STARD7: variants seen among roughly 807,000 people sequenced by gnomAD.
The protein encoded by STARD7 is StAR related lipid transfer domain containing 7.
In STARD7, 30 loss-of-function variants were observed where a neutral mutation model predicts 45.3. That is an observed-to-expected ratio of 0.66 (90% CI 0.50 to 0.90). The LOEUF (loss-of-function observed/expected upper bound fraction) is 0.90, where lower values mean the gene tolerates loss of function less well. Ranked by LOEUF, STARD7 falls within the 40% of genes least tolerant of loss-of-function variation. STARD7 has a pLI of 0.00. For synonymous variants in STARD7, 199 were observed against 183.0 expected, an observed-to-expected ratio of 1.09 and a Z score of -0.70; for missense variants, 495 against 491.3, an observed-to-expected ratio of 1.01 and a Z score of -0.07.
intron 1 of STARD7, among the ~76,000 whole-genome samples, chr2:96,199,268 T>C (rs1456537987): frequency 2.6e-5 from 4 of 152,242 alleles, no homozygotes; most frequent in African/African-American, 7.2e-5. Flanking sequence ...TTAAGTGGTA[T>C]TGCCATCTTA....
intron 1 of STARD7, among the ~76,000 whole-genome samples, chr2:96,197,272 G>A (rs935714822): frequency 6.6e-6 from 1 of 151,616 alleles, no homozygotes; most frequent in African/African-American, 2.4e-5. Context: ...GGGCATGGTG[G>A]TGGACGCCTG....
intron 1 of STARD7, among the ~76,000 whole-genome samples, chr2:96,196,750 C>A (rs1017788692): frequency 1.3e-5 from 2 of 151,950 alleles, no homozygotes; most frequent in African/African-American, 2.4e-5. Flanking sequence ...CGTAAACCAC[C>A]GTGCCCAGCT....
rs1683041373 is a variant in STARD7 at position 96,186,646 on chromosome 2, G to A, written c.*84C>T. On this transcript the variant is annotated 3_prime_UTR_variant, in exon 8 of 8. Transcript: ENST00000337288. Reference sequence around the variant, plus strand: ...TTACAGCAGATGCCTTCTAATACATGTGGCATGTCCCCCTTCTACAGCAGA... The same window carrying A: ...TTACAGCAGATGCCTTCTAATACATATGGCATGTCCCCCTTCTACAGCAGA... The A allele has an allele frequency of 9.6e-7, 1 of 1,040,068 alleles. No homozygotes were observed. Among genetic ancestry groups the A allele is most frequent in the Admixed American group, 2.8e-5 (1 of 35,872 alleles). 64.4% of individuals were successfully genotyped at this position (1,040,068 alleles called of 1,614,324 possible). A position where few individuals can be genotyped will look rare whatever the true frequency, so the allele number is the denominator to read the frequency against.
Position 96,195,384 on chromosome 2 carries a change from C to T in STARD7, c.456G>A (p.Leu152=), listed in dbSNP as rs778478840. ...EMVMDKKHFK[L]WRRPITGTHL... is the part of the protein sequence containing the mutation. ...GGGTGCCTGTAATTGGGCGCCGCCA[C>T]AGCTTAAAGTGTTTCTTATCCATCA... is the stretch of plus-strand genomic sequence containing the variant. The change falls in exon 2 of 8, where the codon CTG becomes CTA. Residue 152 remains leucine (L), a synonymous_variant. Coordinates refer to ENST00000337288, the MANE Select transcript of STARD7 (RefSeq NM_020151.4). 1 of 1,600,128 alleles carries T rather than the reference C, an allele frequency of 6.2e-7. No individual in the cohort carries two copies. Among genetic ancestry groups the T allele is most frequent in the Non-Finnish European group, 8.5e-7 (1 of 1,173,142 alleles).
intron 5 of STARD7, 75 bp downstream of exon 5, chr2:96,193,003 A>G: frequency 9.3e-7 from 1 of 1,080,772 alleles, no homozygotes; most frequent in Non-Finnish European, 1.4e-6. Context: ...CACTAAGAAT[A>G]TACAAACTCA....
chr2:96,192,524 A>C (rs1683141077), intron 5 of STARD7, 56 bp from the exon 6 acceptor site: 2 of 1,355,166 alleles, frequency 1.5e-6, no homozygotes, highest in Non-Finnish European at 2.1e-6. Flanking sequence ...ATAAAACAAC[A>C]GGAGAGCTAA....
intron 3 of STARD7, 26 bp from the exon 4 acceptor site, chr2:96,193,378 T>G (rs1360506072): frequency 6.6e-7 from 1 of 1,505,068 alleles, no homozygotes; most frequent in African/African-American, 1.4e-5. Context: ...AGACCATGAA[T>G]ACCCAAGAAG....
chr2:96,187,088 T>C, intron 7 of STARD7, 129 bp downstream of exon 7: 1 of 911,102 alleles, frequency 1.1e-6, no homozygotes, highest in Non-Finnish European at 1.7e-6. Flanking sequence ...GCATGGGTTG[T>C]GAAAACTCTG....
chr2:96,192,640 G>T (rs1683142042), intron 5 of STARD7, among the ~76,000 whole-genome samples, 172 bp from the exon 6 acceptor site: 1 of 152,146 alleles, frequency 6.6e-6, no homozygotes, highest in African/African-American at 2.4e-5. Flanking sequence ...ATGAAGCGAA[G>T]GCCAGACGTG....
chr2:96,202,749 C>T (rs1683326223), intron 1 of STARD7, among the ~76,000 whole-genome samples: 1 of 152,154 alleles, frequency 6.6e-6, no homozygotes, highest in Non-Finnish European at 1.5e-5. Context: ...ACACCTGGCC[C>T]GAATTATCAT....
chr2:96,197,392 G>A (rs1282249589), intron 1 of STARD7, among the ~76,000 whole-genome samples: 1 of 152,106 alleles, frequency 6.6e-6, no homozygotes, highest in African/African-American at 2.4e-5. Flanking sequence ...GCAACAGAGT[G>A]AGACTCCATC....
intron 1 of STARD7, among the ~76,000 whole-genome samples, chr2:96,199,253 T>C (rs1167031935): frequency 2.6e-5 from 4 of 152,232 alleles, no homozygotes; most frequent in African/African-American, 9.6e-5. Context: ...AATTTGTAGA[T>C]CACTTTAAGT....
chr2:96,202,367 T>A (rs564611757), intron 1 of STARD7, among the ~76,000 whole-genome samples: 4 of 152,280 alleles, frequency 2.6e-5, no homozygotes, highest in Non-Finnish European at 4.4e-5. Flanking sequence ...CAATACTGAG[T>A]GACCTAATAC....
At chr2:96,190,817 T>C (rs891442871) in intron 6 of STARD7, among the ~76,000 whole-genome samples, 2 of 152,062 alleles carry the variant, frequency 1.3e-5, no homozygotes, top group African/African-American at 4.8e-5. Flanking sequence ...TAATTTTTAT[T>C]TTTTGTAGAG....
rs1433026447 is a variant in STARD7 at position 96,186,590 on chromosome 2, C to T, written c.*140G>A. 4 of 547,216 alleles carry T rather than the reference C, an allele frequency of 7.3e-6. No individual in the cohort carries two copies. Among genetic ancestry groups the T allele is most frequent in the East Asian group, 3.2e-5 (1 of 31,116 alleles). The allele number at this position is 547,216 out of a possible 1,614,324, so 33.9% of individuals were successfully genotyped here. On this transcript the variant is annotated 3_prime_UTR_variant, in exon 8 of 8. Transcript: ENST00000337288. ...AATAAGGGCTCTGAATGAAATGGGA[C>T]ATCAGTTATTGAATTATCTTGCACT... is the stretch of plus-strand genomic sequence containing the variant.
chr2:96,204,133 C>T (rs557914087), intron 1 of STARD7, among the ~76,000 whole-genome samples: 2 of 151,844 alleles, frequency 1.3e-5, no homozygotes, highest in South Asian at 2.1e-4. Context: ...GTGGCACCCC[C>T]GCTGTAGACC....
intron 1 of STARD7, among the ~76,000 whole-genome samples, chr2:96,200,399 A>G (rs935040815): frequency 2.0e-5 from 3 of 152,208 alleles, no homozygotes; most frequent in Non-Finnish European, 4.4e-5. Context: ...CATGAAAAAC[A>G]CCACCATATA....
Position 96,187,085 on chromosome 2 carries a change from T to C in STARD7, c.928+132A>G, listed in dbSNP as rs1379764223. ...CCGGAATGTGTTCCCAAAGCATGGG[T>C]TGTGAAAACTCTGTCTCAGAAAAAA... On this transcript the variant is annotated intron_variant, in intron 7 of 7. Transcript: ENST00000337288. 4.5e-6 allele frequency: 4 copies of C among 891,254 alleles called. No homozygotes were observed. The East Asian group carries it at 7.9e-5, about 18-fold the overall frequency. 55.2% of individuals were successfully genotyped at this position (891,254 alleles called of 1,614,324 possible).
chr2:96,197,075 A>AACCTAACCTAACCTAACC (rs1558735779), intron 1 of STARD7, among the ~76,000 whole-genome samples: 1 of 126,538 alleles, frequency 7.9e-6, no homozygotes, highest in Non-Finnish European at 1.7e-5. Flanking sequence ...TCAAAATAAA[A>AACCTAACCTAACCTAACC]TAAAATAAAA....
Sources: gnomAD v4.1 joint callset for allele counts (sites outside exome capture counted in the v4.1 genomes callset) on GRCh38, gnomAD v4.1.1 for gene constraint, MANE v1.5 for transcripts, NCBI Gene and HGNC (gene_info 2026-07-23, HGNC 2026-07-21) for gene names.